ERG: variants seen among roughly 807,000 people sequenced by gnomAD.
The protein encoded by ERG is ETS transcription factor ERG.
In ERG, 9 loss-of-function variants were observed where a neutral mutation model predicts 55.3. That is an observed-to-expected ratio of 0.16 (90% confidence interval 0.10 to 0.28). The LOEUF (loss-of-function observed/expected upper bound fraction) is 0.28. Among genes scored for constraint, ERG ranks in the 10% least tolerant of loss-of-function variants. The probability of loss-of-function intolerance (pLI) is 1.00; values close to 1 mark genes in which losing one functional copy is unlikely to be tolerated. For missense variants in ERG, 434 were observed against 631.6 expected (o/e 0.69, Z 3.35); for synonymous variants, 223 against 237.3 (o/e 0.94, Z 0.55).
intron 1 of ERG, among the ~76,000 whole-genome samples, chr21:38,632,581 T>C (rs1405138809): frequency 6.6e-6 from 1 of 152,186 alleles, no homozygotes; most frequent in East Asian, 1.9e-4. Flanking sequence ...CGAGATTTGA[T>C]AGTTTTATAA....
intron 1 of ERG, chr21:38,472,041 GA>G (rs1042853598): frequency 3.3e-5 from 5 of 152,190 alleles, no homozygotes; most frequent in African/African-American, 1.2e-4. Flanking sequence ...TAGCGTGTAT[GA>G]TGAGCCTGAA....
chr21:38,371,303 G>T, the ERG span, among the ~76,000 whole-genome samples: 1 of 151,924 alleles, frequency 6.6e-6, no homozygotes, highest in Admixed American at 6.6e-5. Flanking sequence ...TGATTAATTA[G>T]AATTTTATAC....
chr21:38,520,419 C>T (rs1183133115), intron 2 of ERG, among the ~76,000 whole-genome samples: 1 of 152,136 alleles, frequency 6.6e-6, no homozygotes, highest in Non-Finnish European at 1.5e-5. Context: ...CAGGGGCATC[C>T]GAGGAACAGA....
chr21:38,498,669 C>T (rs2059398995), upstream of ERG, among the ~76,000 whole-genome samples: 1 of 151,848 alleles, frequency 6.6e-6, no homozygotes, highest in Non-Finnish European at 1.5e-5. The surrounding 1 kb of genome is among the most constrained non-coding windows in gnomAD (Gnocchi z 4.6). Context: ...GAAAAGGCAT[C>T]AATTGGGATG....
chr21:38,469,567 C>T (rs1052733625), intron 1 of ERG, among the ~76,000 whole-genome samples: 1 of 152,186 alleles, frequency 6.6e-6, no homozygotes, highest in East Asian at 1.9e-4. Flanking sequence ...TTGGGCTATT[C>T]TCCTTCTTTC....
intron 2 of ERG, among the ~76,000 whole-genome samples, chr21:38,530,020 C>T (rs567905644): frequency 6.6e-6 from 1 of 152,224 alleles, no homozygotes; most frequent in African/African-American, 2.4e-5. Flanking sequence ...AAACTGGGGA[C>T]TTGTCCTGGA....
At chr21:38,641,144 A>C (rs2097492177) in intron 1 of ERG, among the ~76,000 whole-genome samples, 1 of 152,200 alleles carries the variant, frequency 6.6e-6, no homozygotes, top group Admixed American at 6.5e-5. Flanking sequence ...GCTTCCTCCC[A>C]AAATTCACAT....
At chr21:38,368,985 A>C in the ERG span, among the ~76,000 whole-genome samples, 1 of 152,228 alleles carries the variant, frequency 6.6e-6, no homozygotes, top group Non-Finnish European at 1.5e-5. Context: ...CTTGGTGTAC[A>C]TGTACCATAT....
chr21:38,389,198 A>G (rs755387697), intron 9 of ERG, among the ~76,000 whole-genome samples: 1 of 152,142 alleles, frequency 6.6e-6, no homozygotes, highest in Non-Finnish European at 1.5e-5. Context: ...CAAGAAAACA[A>G]AAGTAGACTT....
chr21:38,636,626 T>C (rs1380206277), intron 1 of ERG, among the ~76,000 whole-genome samples: 1 of 152,180 alleles, frequency 6.6e-6, no homozygotes, highest in Admixed American at 6.5e-5. Flanking sequence ...TTCTCATTTC[T>C]AAGGAGATTA....
intron 2 of ERG, among the ~76,000 whole-genome samples, chr21:38,557,728 T>G (rs1426849902): frequency 2.6e-5 from 4 of 152,130 alleles, no homozygotes; most frequent in African/African-American, 9.7e-5. Flanking sequence ...GAAAACCATG[T>G]GTTCTGTGGA....
intron 2 of ERG, among the ~76,000 whole-genome samples, chr21:38,442,263 G>A (rs933736133): frequency 8.5e-5 from 13 of 152,234 alleles, no homozygotes; most frequent in South Asian, 2.1e-4. Flanking sequence ...GCATGGTGGC[G>A]GATGCCTGTA....
intron 1 of ERG, among the ~76,000 whole-genome samples, chr21:38,489,996 C>T (rs1317322761): frequency 6.6e-6 from 1 of 152,182 alleles, no homozygotes; most frequent in East Asian, 1.9e-4. Context: ...TAGGGAGACA[C>T]AGAAGTTAAC....
chr21:38,649,446 G>A (rs77589562), intron 1 of ERG, among the ~76,000 whole-genome samples: 7,026 of 152,242 alleles, frequency 0.046, 535 homozygotes, highest in African/African-American at 0.16. Flanking sequence ...CGCTTTTTCC[G>A]ACAAGATTTT....
chr21:38,585,807 TG>T (rs1483090503), upstream of ERG, among the ~76,000 whole-genome samples: 1 of 152,034 alleles, frequency 6.6e-6, no homozygotes, highest in Non-Finnish European at 1.5e-5. Context: ...CAACTCCACC[TG>T]AAGTCTTCGA....
rs369953666 is a variant in ERG at position 38,404,570 on chromosome 21, G to T, written c.389-861C>A. Among the ~76,000 whole-genome samples the T allele has an allele frequency of 1.1e-4, 16 of 152,192 alleles. No individual in the cohort carries two copies. The East Asian group carries it at 3.1e-3, about 29-fold the overall frequency. Reference sequence around the variant, plus strand: ...GGGTCTTCAGAGTGTGGTAAATGGGGCGGCTGCTCCCTTGGGCCCCGAGCC... The same window carrying T: ...GGGTCTTCAGAGTGTGGTAAATGGGTCGGCTGCTCCCTTGGGCCCCGAGCC... On this transcript the variant is annotated intron_variant, in intron 3 of 9. Transcript: ENST00000288319.
intron 1 of ERG, among the ~76,000 whole-genome samples, chr21:38,489,417 A>G (rs1185484649): frequency 6.6e-6 from 1 of 152,214 alleles, no homozygotes; most frequent in African/African-American, 2.4e-5. Context: ...CTAGCAACAC[A>G]CATTTTATGT....
intron 1 of ERG, among the ~76,000 whole-genome samples, chr21:38,575,986 A>G (rs904213069): frequency 6.6e-6 from 1 of 152,274 alleles, no homozygotes; most frequent in Non-Finnish European, 1.5e-5. Flanking sequence ...CCGACAGGAC[A>G]GAAGAATCTA....
chr21:38,598,114 G>T (rs1480825749), intron 1 of ERG, among the ~76,000 whole-genome samples: 1 of 152,180 alleles, frequency 6.6e-6, no homozygotes, highest in Non-Finnish European at 1.5e-5. Flanking sequence ...AGCAAGGACT[G>T]TAAGCCCGAC....
Sources: allele counts gnomAD v4.1 joint callset (sites outside exome capture counted in the v4.1 genomes callset), GRCh38; gene constraint gnomAD v4.1.1; non-coding constraint Gnocchi (gnomAD v3.1); transcripts MANE v1.5; gene names NCBI Gene and HGNC (gene_info 2026-07-23, HGNC 2026-07-21).